LMBR1: variants seen among roughly 807,000 people sequenced by gnomAD.
LMBR1 encodes the protein limb region 1 protein homolog.
LMBR1 carries 52 observed loss-of-function variants against 73.9 expected under a neutral mutation model. That is an observed-to-expected ratio of 0.70 (90% CI 0.56 to 0.89). The LOEUF (loss-of-function observed/expected upper bound fraction) is 0.89, where lower values mean the gene tolerates loss of function less well. Ranked by LOEUF, LMBR1 falls within the 40% of genes least tolerant of loss-of-function variation. The pLI, the probability that LMBR1 is intolerant of heterozygous loss-of-function variation, is 0.00. For missense variants in LMBR1, 539 were observed against 579.8 expected (o/e 0.93, Z 0.72); for synonymous variants, 215 against 209.4 (o/e 1.03, Z -0.23).
At chr7:156,692,957 G>C (rs1371510077) in intron 15 of LMBR1, among the ~76,000 whole-genome samples, 2 of 152,010 alleles carry the variant, frequency 1.3e-5, no homozygotes, top group African/African-American at 4.8e-5. Context: ...CTTCTACAAA[G>C]GAAAATTATA....
chr7:156,859,757 T>A (rs1480810025), intron 1 of LMBR1, among the ~76,000 whole-genome samples: 2 of 152,090 alleles, frequency 1.3e-5, no homozygotes, highest in African/African-American at 4.8e-5. Context: ...ACAACCCCAA[T>A]CAAAATCCCA....
At position 156,892,727 on chromosome 7, in the gene LMBR1, A is replaced by AG. The variant is rs1803325720; in HGVS notation, c.66+200dup. ...GGGGCAGGCAGAGGAAGCGAAGGGGAGGGGAGGGGAGAGGAGAGGTGGGGA... is the reference window on the plus strand; with the variant it reads ...GGGGCAGGCAGAGGAAGCGAAGGGGAGGGGGAGGGGAGAGGAGAGGTGGGGA... On this transcript the variant is annotated intron_variant, in intron 1 of 16. Coordinates refer to ENST00000353442, the MANE Select transcript of LMBR1 (RefSeq NM_022458.4). The AG allele has an allele frequency of 1.1e-5, 3 of 283,346 alleles. No individual in the cohort carries two copies. The Admixed American group carries it at 2.1e-4, about 20-fold the overall frequency. 17.6% of individuals were successfully genotyped at this position (283,346 alleles called of 1,614,324 possible).
At chr7:156,875,298 G>A (rs747681035) in intron 1 of LMBR1, among the ~76,000 whole-genome samples, 8 of 152,092 alleles carry the variant, frequency 5.3e-5, no homozygotes, top group Non-Finnish European at 1.0e-4. Context: ...AATGAACAAC[G>A]CCTCCAAGAA....
intron 5 of LMBR1, among the ~76,000 whole-genome samples, chr7:156,764,630 T>C (rs192670206): frequency 1.3e-5 from 2 of 152,324 alleles, no homozygotes; most frequent in Admixed American, 6.5e-5. Flanking sequence ...CCAACAAAAT[T>C]ATAAATACAT....
intron 9 of LMBR1, among the ~76,000 whole-genome samples, chr7:156,747,348 AG>A (rs915212677): frequency 6.6e-6 from 1 of 152,154 alleles, no homozygotes; most frequent in African/African-American, 2.4e-5. Flanking sequence ...CTGAAAAACT[AG>A]TGTGGTATTA....
chr7:156,862,490 A>G (rs1409439282), intron 1 of LMBR1, among the ~76,000 whole-genome samples: 1 of 145,826 alleles, frequency 6.9e-6, no homozygotes, highest in African/African-American at 2.5e-5. Flanking sequence ...TCTAGAAAAT[A>G]ACATAGAAAA....
chr7:156,799,197 A>G (rs536034227), intron 4 of LMBR1, among the ~76,000 whole-genome samples: 1 of 148,164 alleles, frequency 6.7e-6, no homozygotes, highest in East Asian at 2.0e-4. Flanking sequence ...GCGAGACTCC[A>G]TCTCAAAAAA....
chr7:156,762,857 G>A (rs1408558344), intron 7 of LMBR1, among the ~76,000 whole-genome samples: 1 of 151,952 alleles, frequency 6.6e-6, no homozygotes, highest in South Asian at 2.1e-4. Flanking sequence ...GTGTGTGTGT[G>A]TGTGTGTGTG....
In LMBR1 at chr7:156,679,016, T is replaced by C. The variant is rs1042086051; in HGVS notation, c.*5062A>G. ...CCAGATAATAGAACTGTAAGGTACA[T>C]GAATGAACAAGAAACTGAAAACCTA... is the stretch of plus-strand genomic sequence containing the variant. On this transcript the variant is annotated 3_prime_UTR_variant, in exon 17 of 17. Coordinates refer to ENST00000353442, the MANE Select transcript of LMBR1 (RefSeq NM_022458.4). 1 of 152,158 alleles carries C rather than the reference T, an allele frequency of 6.6e-6. No individual in the cohort carries two copies. Among genetic ancestry groups the C allele is most frequent in the East Asian group, 1.9e-4 (1 of 5,188 alleles). 9.4% of individuals were successfully genotyped at this position (152,158 alleles called of 1,614,324 possible).
chr7:156,873,010 T>C (rs780186933), intron 1 of LMBR1, among the ~76,000 whole-genome samples: 1 of 151,908 alleles, frequency 6.6e-6, no homozygotes, highest in Non-Finnish European at 1.5e-5. Flanking sequence ...GTTACAGCTC[T>C]TAAGGTGGCG....
chr7:156,841,926 A>T (rs1163850375), intron 1 of LMBR1, among the ~76,000 whole-genome samples: 1 of 140,426 alleles, frequency 7.1e-6, no homozygotes, highest in Admixed American at 7.2e-5. Context: ...TAGAGAGAAA[A>T]ATTATTGATG....
chr7:156,688,259 A>C, intron 15 of LMBR1, 68 bp from the exon 16 acceptor site: 2 of 1,141,056 alleles, frequency 1.8e-6, no homozygotes, highest in East Asian at 5.0e-5. Context: ...GCTACAAGTA[A>C]AGTACAAGTT....
At chr7:156,687,712 C>T (rs1459815395) in intron 16 of LMBR1, among the ~76,000 whole-genome samples, 1 of 152,126 alleles carries the variant, frequency 6.6e-6, no homozygotes, top group East Asian at 1.9e-4. Flanking sequence ...TCACCACCAC[C>T]ATGACCACCA....
chr7:156,828,700 A>G (rs1224068681), intron 3 of LMBR1, among the ~76,000 whole-genome samples: 3 of 152,234 alleles, frequency 2.0e-5, no homozygotes, highest in Non-Finnish European at 4.4e-5. Context: ...TTAACACTCC[A>G]CAAAGCTTTC....
In LMBR1 at chr7:156,893,175, G is replaced by C; in HGVS notation, c.-182C>G. 2 of 478,808 alleles carry C rather than the reference G, an allele frequency of 4.2e-6. No homozygotes were observed. Among genetic ancestry groups the C allele is most frequent in the South Asian group, 5.6e-5 (1 of 17,862 alleles). 29.7% of individuals were successfully genotyped at this position (478,808 alleles called of 1,614,324 possible). On this transcript the variant is annotated 5_prime_UTR_variant, in exon 1 of 17. Transcript: ENST00000353442. ...TCGCCTCAGCAGCCTCAGACGAGCAGCTCTGACTAAGGGAGGGCGGGCGCC... is the reference window on the plus strand; with the variant it reads ...TCGCCTCAGCAGCCTCAGACGAGCACCTCTGACTAAGGGAGGGCGGGCGCC...
rs367939222 is a variant in LMBR1, at chr7:156,761,586, G to C, written c.684+548C>G. 4.6e-5 allele frequency among the ~76,000 whole-genome samples: 7 copies of C among 152,228 alleles called. 1 individual carries two copies. Among genetic ancestry groups the C allele is most frequent in the African/African-American group, 1.7e-4 (7 of 41,534 alleles). On this transcript the variant is annotated intron_variant, in intron 8 of 16. Coordinates refer to ENST00000353442, the MANE Select transcript of LMBR1 (RefSeq NM_022458.4). ...GTAAATTTTGTCCTAAAATTTGCTA[G>C]AGGAATTTTTACCTATGCACCTATA... is the stretch of plus-strand genomic sequence containing the variant.
At chr7:156,708,837 G>A (rs1427439987) in intron 15 of LMBR1, among the ~76,000 whole-genome samples, 3 of 152,264 alleles carry the variant, frequency 2.0e-5, no homozygotes, top group Non-Finnish European at 2.9e-5. Flanking sequence ...AGGGACTGCA[G>A]AAGAGAGACC....
In LMBR1 at chr7:156,680,909, A is replaced by C; in HGVS notation, c.*3169T>G. 1 of 241,818 alleles carries C rather than the reference A, an allele frequency of 4.1e-6. No homozygotes were observed. The highest frequency in any genetic ancestry group is 8.0e-6 in the Non-Finnish European group (1 of 124,386). 15.0% of individuals were successfully genotyped at this position (241,818 alleles called of 1,614,324 possible). A position where few individuals can be genotyped will look rare whatever the true frequency, so the allele number is the denominator to read the frequency against. On this transcript the variant is annotated 3_prime_UTR_variant, in exon 17 of 17. Transcript: ENST00000353442. ...CTTTTTGTACAACTTTTAATTTCTAAGACATTTAAAAAGTCACACTAAAAG... is the reference window on the plus strand; with the variant it reads ...CTTTTTGTACAACTTTTAATTTCTACGACATTTAAAAAGTCACACTAAAAG...
intron 1 of LMBR1, among the ~76,000 whole-genome samples, chr7:156,868,826 C>T (rs909461462): frequency 4.6e-5 from 7 of 152,044 alleles, no homozygotes; most frequent in African/African-American, 1.7e-4. Context: ...CTTAGCCAGG[C>T]ATGGTAGTGC....
Sources: gnomAD v4.1 joint callset for allele counts (sites outside exome capture counted in the v4.1 genomes callset) on GRCh38, gnomAD v4.1.1 for gene constraint, MANE v1.5 for transcripts, NCBI Gene and HGNC (gene_info 2026-07-23, HGNC 2026-07-21) for gene names.